RORB: variants seen among roughly 807,000 people sequenced by gnomAD.
RORB encodes nuclear receptor ROR-beta.
RORB carries 6 observed loss-of-function variants against 59.1 expected under a neutral mutation model. The ratio of observed to expected loss-of-function variants is 0.10; its 90% CI spans 0.06 to 0.20. The LOEUF (loss-of-function observed/expected upper bound fraction) is 0.20, where lower values mean the gene tolerates loss of function less well. RORB is among the 10% of genes least tolerant of loss of function. The pLI is 1.00. For synonymous variants in RORB, 215 were observed against 204.5 expected (o/e 1.05, Z -0.44); for missense variants, 320 against 560.5 (o/e 0.57, Z 4.33).
chr9:74,665,364 ATG>A (rs2118525513), intron 6 of RORB, 122 bp from the exon 7 acceptor site: 1 of 482,202 alleles, frequency 2.1e-6, no homozygotes, highest in Admixed American at 3.5e-5. Flanking sequence ...GTGTGTGTGT[ATG>A]TGTCTCTCTG....
intron 1 of RORB, among the ~76,000 whole-genome samples, chr9:74,542,764 T>C (rs1395005640): frequency 1.3e-5 from 2 of 152,122 alleles, no homozygotes; most frequent in Non-Finnish European, 1.5e-5. Flanking sequence ...CTTCCAAGGA[T>C]CTCCCAAGAA....
intron 1 of RORB, among the ~76,000 whole-genome samples, chr9:74,505,144 T>A (rs1825853436): frequency 6.6e-6 from 1 of 152,166 alleles, no homozygotes; most frequent in Non-Finnish European, 1.5e-5. Flanking sequence ...TATTATTAGC[T>A]GCAAAAAATG....
In RORB at chr9:74,687,187, A is replaced by C. The variant is rs190252365; in HGVS notation, c.*1569A>C. 3.9e-5 allele frequency: 6 copies of C among 152,242 alleles called. No homozygotes were observed. Among genetic ancestry groups the C allele is most frequent in the Non-Finnish European group, 8.8e-5 (6 of 68,000 alleles). 9.4% of individuals were successfully genotyped at this position (152,242 alleles called of 1,614,324 possible). A position where few individuals can be genotyped will look rare whatever the true frequency, so the allele number is the denominator to read the frequency against. On this transcript the variant is annotated 3_prime_UTR_variant, in exon 10 of 10. Transcript: ENST00000376896. ...CTGATACAAAATAAAACTTAAAAAAAAGAAAACAAGCTAAGAGAGAAGTTT... is the reference window on the plus strand; with the variant it reads ...CTGATACAAAATAAAACTTAAAAAACAGAAAACAAGCTAAGAGAGAAGTTT...
At chr9:74,625,037 A>C (rs1026748619) in intron 1 of RORB, among the ~76,000 whole-genome samples, 13 of 152,114 alleles carry the variant, frequency 8.5e-5, no homozygotes, top group Non-Finnish European at 1.5e-4. Flanking sequence ...AAGGCAAAAA[A>C]AAAAGAAAGA....
At chr9:74,549,436 T>A in intron 1 of RORB, among the ~76,000 whole-genome samples, 1 of 100,466 alleles carries the variant, frequency 1.0e-5, no homozygotes, top group African/African-American at 4.4e-5. Context: ...AGAGCAAAAT[T>A]CCGTCAAAAA....
intron 4 of RORB, among the ~76,000 whole-genome samples, chr9:74,648,464 T>TC (rs1285806458): frequency 6.6e-6 from 1 of 152,116 alleles, no homozygotes; most frequent in Non-Finnish European, 1.5e-5. Flanking sequence ...GCATTAATAT[T>TC]CCCCCCTTGT....
At chr9:74,618,875 T>A (rs903222492) in intron 1 of RORB, among the ~76,000 whole-genome samples, 1 of 152,214 alleles carries the variant, frequency 6.6e-6, no homozygotes, top group African/African-American at 2.4e-5. Flanking sequence ...AAGCATGCAT[T>A]GAATCCTTGG....
intron 9 of RORB, among the ~76,000 whole-genome samples, chr9:74,683,261 G>C (rs1026981009): frequency 3.3e-5 from 5 of 152,066 alleles, no homozygotes; most frequent in Non-Finnish European, 7.4e-5. Context: ...TGCAAGAACT[G>C]TTCCTAAATT....
intron 1 of RORB, among the ~76,000 whole-genome samples, chr9:74,610,315 AT>A (rs1437436887): frequency 2.0e-5 from 3 of 152,242 alleles, no homozygotes; most frequent in African/African-American, 7.2e-5. Context: ...TGATTTTAAC[AT>A]GCAGCCAAGT....
chr9:74,553,060 G>A (rs1002126152), intron 1 of RORB, among the ~76,000 whole-genome samples: 3 of 152,128 alleles, frequency 2.0e-5, no homozygotes, highest in Non-Finnish European at 4.4e-5. Context: ...GGGTGGATGC[G>A]TTCGGAGAGG....
chr9:74,562,272 CAA>C (rs1822407361), intron 1 of RORB, among the ~76,000 whole-genome samples: 1 of 152,106 alleles, frequency 6.6e-6, no homozygotes, highest in Non-Finnish European at 1.5e-5. Context: ...AGGATATGCT[CAA>C]ATATTATTCT....
At chr9:74,671,105 T>G (rs1563970391) in intron 8 of RORB, among the ~76,000 whole-genome samples, 2 of 145,340 alleles carry the variant, frequency 1.4e-5, no homozygotes, top group South Asian at 2.2e-4. Context: ...GGAGAGGGGA[T>G]GGAGGGAAGG....
chr9:74,690,195 A>C lies in RORB; in HGVS notation c.*4577A>C, dbSNP rs1445788240. On this transcript the variant is annotated 3_prime_UTR_variant, in exon 10 of 10. Coordinates refer to ENST00000376896, the MANE Select transcript of RORB (RefSeq NM_006914.4). The stretch of plus-strand genomic sequence containing the variant: ...TTTCCAACTGTCAGTATAAGCAGCA[A>C]CTAGAGTAAAGGCCTGATGTGGGAA... 2 of 152,216 alleles carry C rather than the reference A, an allele frequency of 1.3e-5. No individual in the cohort carries two copies. Among genetic ancestry groups the C allele is most frequent in the Non-Finnish European group, 2.9e-5 (2 of 68,046 alleles). 9.4% of individuals were successfully genotyped at this position (152,216 alleles called of 1,614,324 possible). A position where few individuals can be genotyped will look rare whatever the true frequency, so the allele number is the denominator to read the frequency against.
intron 6 of RORB, 68 bp from the exon 7 acceptor site, chr9:74,665,420 T>C (rs1157114045): frequency 2.1e-6 from 2 of 934,614 alleles, no homozygotes; most frequent in Non-Finnish European, 3.2e-6. Flanking sequence ...TATGCAGTAA[T>C]AATTTCTTTA....
intron 1 of RORB, among the ~76,000 whole-genome samples, chr9:74,585,722 A>C (rs957080115): frequency 6.6e-6 from 1 of 152,104 alleles, no homozygotes; most frequent in Non-Finnish European, 1.5e-5. Context: ...TTCTAACCCT[A>C]TGTAAGCTCA....
At chr9:74,647,393 C>T (rs1233853512) in intron 4 of RORB, among the ~76,000 whole-genome samples, 1 of 152,128 alleles carries the variant, frequency 6.6e-6, no homozygotes, top group African/African-American at 2.4e-5. Flanking sequence ...ACGTCTCAGA[C>T]AACAAGACAA....
At chr9:74,680,793 G>A (rs1188790748) in intron 9 of RORB, among the ~76,000 whole-genome samples, 1 of 152,062 alleles carries the variant, frequency 6.6e-6, no homozygotes, top group African/African-American at 2.4e-5. Context: ...ACCATTGCTG[G>A]CTTCCTGCTT....
At chr9:74,553,458 C>T (rs1487653571) in intron 1 of RORB, among the ~76,000 whole-genome samples, 1 of 152,078 alleles carries the variant, frequency 6.6e-6, no homozygotes, top group Non-Finnish European at 1.5e-5. Flanking sequence ...AGTAACAGAA[C>T]TATAACCAGA....
intron 2 of RORB, among the ~76,000 whole-genome samples, chr9:74,632,020 A>T (rs1196244131): frequency 6.6e-6 from 1 of 152,178 alleles, no homozygotes; most frequent in Non-Finnish European, 1.5e-5. Flanking sequence ...GCTCTGGTTT[A>T]CATAATATCT....
Sources: allele counts gnomAD v4.1 joint callset (sites outside exome capture counted in the v4.1 genomes callset), GRCh38; gene constraint gnomAD v4.1.1; transcripts MANE v1.5; gene names NCBI Gene and HGNC (gene_info 2026-07-23, HGNC 2026-07-21).